Variants in SHROOM2 observed in about 807,000 individuals in gnomAD.
SHROOM2 encodes the protein protein Shroom2.
SHROOM2 carries 33 observed loss-of-function variants against 75.9 expected under a neutral mutation model. The observed-to-expected ratio is 0.43, with a 90% CI of 0.33 to 0.58. SHROOM2 has a LOEUF of 0.58. Among genes scored for constraint, SHROOM2 ranks in the 20% least tolerant of loss-of-function variants. The pLI is 0.04. For synonymous variants in SHROOM2, 655 were observed against 663.6 expected, an observed-to-expected ratio of 0.99 and a Z score of 0.20; for missense variants, 1,434 against 1,461.2, an observed-to-expected ratio of 0.98 and a Z score of 0.30.
Position 9,949,064 on chromosome X carries a change from C to T in SHROOM2, c.*2127C>T. The T allele has an allele frequency of 4.7e-6, 1 of 211,056 alleles. No individual in the cohort carries two copies. The highest frequency in any genetic ancestry group is 5.7e-5 in the Admixed American group (1 of 17,414). The allele number at this position is 211,056 out of a possible 1,213,427, so 17.4% of individuals were successfully genotyped here. On this transcript the variant is annotated 3_prime_UTR_variant, in exon 10 of 10. Transcript: ENST00000380913. ...CTTTCTCTTCTACACAGCAATACGT[C>T]GTGCTCGAGTATCCTTGTAGCAAAG...
chrX:9,888,819 G>GGGAGAACTTTTATTGTACCCAT (rs2084275220), intron 2 of SHROOM2, among the ~76,000 whole-genome samples: 1 of 112,056 alleles, frequency 8.9e-6, no homozygotes, highest in Non-Finnish European at 1.9e-5. Context: ...TAGTTTATCT[G>GGGAGAACTTTTATTGTACCCAT]GGAGAACTTT....
intron 1 of SHROOM2, among the ~76,000 whole-genome samples, chrX:9,837,647 G>T (rs964738303): frequency 4.4e-4 from 49 of 112,096 alleles, no homozygotes; most frequent in Non-Finnish European, 8.1e-4. Flanking sequence ...CTTTTTCTTT[G>T]GCCAAGTGGA....
Position 9,946,907 on chromosome X carries a change from G to C in SHROOM2, c.4821G>C (p.Leu1607Phe), listed in dbSNP as rs2073942. 334,191 of 1,194,345 alleles carry C rather than the reference G, an allele frequency of 0.28. 38,986 individuals carry two copies. The highest frequency in any genetic ancestry group is 0.71 in the African/African-American group (40,174 of 56,599). The part of the protein sequence containing the change: ...HLGEEQLKCL[L>F]DSLQPERGK ...GTGAAGAGCAGCTGAAGTGCTTATT[G>C]GACAGCCTTCAGCCCGAAAGGGGCA... Residue 1607 changes from leucine to phenylalanine, a missense_variant, in exon 10 of 10, where the codon TTG becomes TTC. Around this residue, in one of 3 missense-constraint regions of SHROOM2, gnomAD observed 80 missense variants for 88.4 expected, o/e 0.90. Transcript: ENST00000380913.
At position 9,948,519 on chromosome X, in the gene SHROOM2, C is replaced by T. The variant is rs2084842317; in HGVS notation, c.*1582C>T. 1.8e-5 allele frequency: 2 copies of T among 112,915 alleles called. No individual in the cohort carries two copies. The highest frequency in any genetic ancestry group is 3.7e-5 in the Non-Finnish European group (2 of 53,364). 9.3% of individuals were successfully genotyped at this position (112,915 alleles called of 1,213,427 possible). ...AGCAGTGACCACAGCCTTACCAAAG[C>T]AGACGCGTGCGCGTGCACAGATGCA... On this transcript the variant is annotated 3_prime_UTR_variant, in exon 10 of 10. Coordinates refer to ENST00000380913, the MANE Select transcript of SHROOM2 (RefSeq NM_001649.4).
At chrX:9,906,509 G>A (rs1021014335) in intron 5 of SHROOM2, among the ~76,000 whole-genome samples, 15 of 113,123 alleles carry the variant, frequency 1.3e-4, no homozygotes, top group African/African-American at 4.8e-4. Context: ...AAATGGGTCT[G>A]TCAGGCAGGG....
At chrX:9,855,782 C>T (rs935674293) in intron 1 of SHROOM2, among the ~76,000 whole-genome samples, 4 of 111,441 alleles carry the variant, frequency 3.6e-5, no homozygotes, top group African/African-American at 1.3e-4. Flanking sequence ...CAAACTCTTG[C>T]CCACCACGAA....
chrX:9,803,106 GTT>G (rs1183960163), intron 1 of SHROOM2, among the ~76,000 whole-genome samples: 1,157 of 92,970 alleles, frequency 0.012, 12 homozygotes, highest in African/African-American at 0.044. Context: ...TTGGTTTTTT[GTT>G]TTTTTTTTTT....
At chrX:9,791,036 G>A (rs1160576071) in intron 1 of SHROOM2, among the ~76,000 whole-genome samples, 1 of 110,927 alleles carries the variant, frequency 9.0e-6, no homozygotes, top group Non-Finnish European at 1.9e-5. Flanking sequence ...ATTATGAGAA[G>A]CTGTAAACAT....
At chrX:9,876,668 T>G (rs1161095321) in intron 2 of SHROOM2, among the ~76,000 whole-genome samples, 1 of 112,859 alleles carries the variant, frequency 8.9e-6, no homozygotes, top group Admixed American at 9.4e-5. Context: ...TCTATATTGC[T>G]CTGCTTAAAA....
At position 9,888,683 on chromosome X, in the gene SHROOM2, A is replaced by G. The variant is rs565232490; in HGVS notation, c.318-2294A>G. On this transcript the variant is annotated intron_variant, in intron 2 of 9. Coordinates refer to ENST00000380913, the MANE Select transcript of SHROOM2 (RefSeq NM_001649.4). ...GATCTCAAACTCCTGGCCGAAAGCA[A>G]TCCTCCCACGGCAGTCTCTCAAAGT... 1.2e-4 allele frequency among the ~76,000 whole-genome samples: 13 copies of G among 111,670 alleles called. No homozygotes were observed. The South Asian group carries it at 4.2e-3, about 36-fold the overall frequency.
intron 5 of SHROOM2, among the ~76,000 whole-genome samples, chrX:9,914,211 C>T (rs1458504297): frequency 1.8e-5 from 2 of 108,226 alleles, no homozygotes; most frequent in Admixed American, 1.0e-4. Context: ...AATAACCATA[C>T]ACGTTGGTGT....
At chrX:9,824,047 C>T (rs1000800911) in intron 1 of SHROOM2, among the ~76,000 whole-genome samples, 23 of 111,012 alleles carry the variant, frequency 2.1e-4, no homozygotes, top group Non-Finnish European at 3.6e-4. Flanking sequence ...GCCACTGCAG[C>T]GTCCCAAGAA....
At chrX:9,898,992 C>T (rs1019095985) in intron 5 of SHROOM2, among the ~76,000 whole-genome samples, 15 of 110,539 alleles carry the variant, frequency 1.4e-4, no homozygotes, top group African/African-American at 4.9e-4. Flanking sequence ...ACCTGTATTC[C>T]CAGCACTTTG....
At chrX:9,932,148 A>T in intron 5 of SHROOM2, 27 bp from the exon 6 acceptor site, 1 of 1,101,450 alleles carries the variant, frequency 9.1e-7, no homozygotes, top group African/African-American at 1.9e-5. Context: ...GGAATCGTTG[A>T]TTAATTTGTA....
chrX:9,837,523 G>A (rs57442980), intron 1 of SHROOM2, among the ~76,000 whole-genome samples: 130 of 112,336 alleles, frequency 1.2e-3, no homozygotes, highest in African/African-American at 3.9e-3. Context: ...CTGCCCTCCC[G>A]ACAGGGCGGC....
At position 9,949,359 on chromosome X, in the gene SHROOM2, AT is replaced by A. The variant is rs1474652916; in HGVS notation, c.*2425del. 3 of 328,787 alleles carry A rather than the reference AT, an allele frequency of 9.1e-6. No homozygotes were observed. In the East Asian group the frequency reaches 2.9e-4, roughly 32 times the overall value. The allele number at this position is 328,787 out of a possible 1,213,427, so 27.1% of individuals were successfully genotyped here. On this transcript the variant is annotated 3_prime_UTR_variant, in exon 10 of 10. Transcript: ENST00000380913. ...AGTCCACCACAGCAAATGTGTGTAG[AT>A]TTCATGCTCGACACTTACCACTCAC...
intron 5 of SHROOM2, among the ~76,000 whole-genome samples, chrX:9,930,580 A>G (rs1374112915): frequency 1.1e-4 from 12 of 111,333 alleles, no homozygotes; most frequent in Non-Finnish European, 1.7e-4. Context: ...TGAATTCTGA[A>G]CCATTGAATA....
intron 1 of SHROOM2, among the ~76,000 whole-genome samples, chrX:9,805,859 A>ACG (rs369930672): frequency 9.5e-6 from 1 of 105,730 alleles, no homozygotes; most frequent in African/African-American, 3.5e-5. Flanking sequence ...AGCTGAGATC[A>ACG]CGCCGTTGCA....
intron 1 of SHROOM2, among the ~76,000 whole-genome samples, chrX:9,839,796 C>T (rs2083969889): frequency 9.0e-6 from 1 of 111,627 alleles, no homozygotes; most frequent in Admixed American, 9.5e-5. Flanking sequence ...TTTAGAAAAC[C>T]GTTGCAAGGA....
Sources: gnomAD v4.1 joint callset for allele counts (sites outside exome capture counted in the v4.1 genomes callset) on GRCh38, gnomAD v4.1.1 for gene constraint, gnomAD v4.1.1 regional missense constraint, MANE v1.5 for transcripts, NCBI Gene and HGNC (gene_info 2026-07-23, HGNC 2026-07-21) for gene names.